BMPR2: variants seen among roughly 807,000 people sequenced by gnomAD.
BMPR2 encodes bone morphogenetic protein receptor type 2.
Under a neutral mutation model 100.8 loss-of-function variants are expected in BMPR2, and 29 were observed. The observed-to-expected ratio is 0.29, with a 90% confidence interval of 0.21 to 0.39. BMPR2 has a LOEUF of 0.39. Among genes scored for constraint, BMPR2 ranks in the 10% least tolerant of loss-of-function variants. The probability of loss-of-function intolerance (pLI) is 1.00; values close to 1 mark genes in which losing one functional copy is unlikely to be tolerated. For synonymous variants in BMPR2, 382 were observed against 442.3 expected (o/e 0.86, Z 1.71); for missense variants, 1,011 against 1,274.5 (o/e 0.79, Z 3.15).
At position 202,535,494 on chromosome 2, in the gene BMPR2, G is replaced by A. The variant is rs1276865937; in HGVS notation, c.1276+2762G>A. ...CCCACATCTCAGACGATGGGCGGCC[G>A]GGCAGAGACGCTCCTCACTTCCTAG... On this transcript the variant is annotated intron_variant, in intron 9 of 12. Coordinates refer to ENST00000374580, the MANE Select transcript of BMPR2 (RefSeq NM_001204.7). Among the ~76,000 whole-genome samples, 9 of 151,214 alleles carry A rather than the reference G, an allele frequency of 6.0e-5. No individual in the cohort carries two copies. The South Asian group carries it at 1.5e-3, about 25-fold the overall frequency.
Position 202,560,048 on chromosome 2 carries a change from C to A in BMPR2, c.*102C>A, listed in dbSNP as rs976822413. 2.2e-6 allele frequency: 3 copies of A among 1,375,524 alleles called. No homozygotes were observed. Among genetic ancestry groups the A allele is most frequent in the East Asian group, 2.4e-5 (1 of 41,882 alleles). The allele number at this position is 1,375,524 out of a possible 1,614,324, so 85.2% of individuals were successfully genotyped here. On this transcript the variant is annotated 3_prime_UTR_variant, in exon 13 of 13. Coordinates refer to ENST00000374580, the MANE Select transcript of BMPR2 (RefSeq NM_001204.7). ...AAACTGCTTTATCCTCCTGTCAGCA[C>A]CCCCTCCCACCCCTGCAACAAAGAC...
At chr2:202,556,576 C>T (rs1047216195) in intron 12 of BMPR2, 45 bp downstream of exon 12, 3 of 1,584,350 alleles carry the variant, frequency 1.9e-6, no homozygotes, top group Non-Finnish European at 2.6e-6. Flanking sequence ...TCTTTTGGGG[C>T]CATTTAAATA....
chr2:202,509,683 T>G (rs1574484379), intron 3 of BMPR2, among the ~76,000 whole-genome samples: 1 of 151,916 alleles, frequency 6.6e-6, no homozygotes, highest in Admixed American at 6.5e-5. Flanking sequence ...TTTTAATATT[T>G]TATTTAATTG....
intron 12 of BMPR2, among the ~76,000 whole-genome samples, chr2:202,559,168 G>T (rs925299360): frequency 6.6e-6 from 1 of 151,852 alleles, no homozygotes; most frequent in Non-Finnish European, 1.5e-5. Flanking sequence ...TGGTCATGGT[G>T]GCATGCGCCT....
chr2:202,417,281 G>C (rs1691152587), intron 1 of BMPR2, among the ~76,000 whole-genome samples: 1 of 150,880 alleles, frequency 6.6e-6, no homozygotes. Context: ...AGATTACAGG[G>C]ACCTGCCACC....
At chr2:202,452,680 T>C (rs879323435) in intron 1 of BMPR2, among the ~76,000 whole-genome samples, 10 of 152,232 alleles carry the variant, frequency 6.6e-5, no homozygotes, top group African/African-American at 2.4e-4. Context: ...AGTACATCAA[T>C]AATTTACTTA....
intron 1 of BMPR2, among the ~76,000 whole-genome samples, chr2:202,451,686 C>T (rs1446912466): frequency 3.9e-5 from 6 of 152,072 alleles, no homozygotes; most frequent in South Asian, 2.1e-4. Flanking sequence ...GGGACAAGAA[C>T]GAGACTCTGT....
intron 1 of BMPR2, among the ~76,000 whole-genome samples, chr2:202,409,836 T>TATATA (rs753015109): frequency 5.9e-5 from 9 of 151,406 alleles, no homozygotes; most frequent in Non-Finnish European, 1.2e-4. Context: ...GGGTTAGCAA[T>TATATA]TCTACTTTAT....
At chr2:202,546,903 G>GTGTTTTGTTTTGTTTTGTTT (rs112692454) in intron 10 of BMPR2, among the ~76,000 whole-genome samples, 1 of 141,734 alleles carries the variant, frequency 7.1e-6, no homozygotes, top group Non-Finnish European at 1.5e-5. Flanking sequence ...TGCCCAGCCG[G>GTGTTTTGTTTTGTTTTGTTT]TGTTTTGTTT....
intron 10 of BMPR2, among the ~76,000 whole-genome samples, chr2:202,547,107 T>C (rs1212970516): frequency 6.6e-6 from 1 of 152,178 alleles, no homozygotes; most frequent in Non-Finnish European, 1.5e-5. Flanking sequence ...TGTTAAAATA[T>C]TTTAAATTGG....
rs185539160 is a variant in BMPR2, at chr2:202,532,921, A to G, written c.1276+189A>G. 6.6e-6 allele frequency among the ~76,000 whole-genome samples: 1 copy of G among 151,590 alleles called. No individual in the cohort carries two copies. The highest frequency in any genetic ancestry group is 1.9e-4 in the East Asian group (1 of 5,172). On this transcript the variant is annotated intron_variant, in intron 9 of 12. Transcript: ENST00000374580. This position sits in a 1 kb window ranked among gnomAD's most constrained non-coding sequence, Gnocchi z 4.1. ...ATGCAAATTAGGAATTTTTTTTTTT[A>G]GAGTACTCCAGGTTTTCATCTGAGT...
intron 1 of BMPR2, among the ~76,000 whole-genome samples, chr2:202,420,445 A>C (rs534439464): frequency 4.4e-4 from 67 of 151,702 alleles, no homozygotes; most frequent in African/African-American, 1.5e-3. Flanking sequence ...TTTTGGGTTT[A>C]AGTTGAAGGA....
intron 1 of BMPR2, among the ~76,000 whole-genome samples, chr2:202,386,838 G>T (rs752978501): frequency 9.2e-5 from 14 of 152,064 alleles, no homozygotes; most frequent in Admixed American, 6.6e-4. Flanking sequence ...GTGCCACCAC[G>T]CCCGGCTAAA....
intron 10 of BMPR2, among the ~76,000 whole-genome samples, chr2:202,547,849 C>A (rs923619680): frequency 6.7e-6 from 1 of 149,362 alleles, no homozygotes; most frequent in Non-Finnish European, 1.5e-5. Context: ...TTTGGGAGGC[C>A]GAGGTGGGTG....
Position 202,464,836 on chromosome 2 carries a change from C to T in BMPR2, c.104C>T (p.Ala35Val), listed in dbSNP as rs770128128. 10 of 1,613,632 alleles carry T rather than the reference C, an allele frequency of 6.2e-6. No homozygotes were observed. The highest frequency in any genetic ancestry group is 1.7e-5 in the Admixed American group (1 of 59,958). ...TCGCAGAATCAAGAACGGCTATGTG[C>T]GTTTAAAGATCCGTATCAGCAAGAC... ...AASQNQERLC[A>V]FKDPYQQDLG... Residue 35 changes from alanine to valine, a missense_variant, in exon 2 of 13, where the codon GCG (alanine) becomes GTG (valine). Physicochemically the swap from Ala to Val is moderately conservative, Grantham distance 64 (BLOSUM62 0). Coordinates refer to ENST00000374580, the MANE Select transcript of BMPR2 (RefSeq NM_001204.7).
chr2:202,504,149 G>T (rs1687467870), intron 3 of BMPR2, among the ~76,000 whole-genome samples: 1 of 152,132 alleles, frequency 6.6e-6, no homozygotes, highest in South Asian at 2.1e-4. Context: ...CAATCAGCAG[G>T]ACGTGGGTGG....
At chr2:202,471,526 T>C (rs1009168471) in intron 3 of BMPR2, among the ~76,000 whole-genome samples, 3 of 152,174 alleles carry the variant, frequency 2.0e-5, no homozygotes, top group African/African-American at 7.2e-5. Flanking sequence ...ATAACTAATA[T>C]AGTACTATAT....
intron 3 of BMPR2, among the ~76,000 whole-genome samples, chr2:202,480,816 G>C (rs997946332): frequency 8.6e-5 from 13 of 151,728 alleles, no homozygotes; most frequent in Non-Finnish European, 1.9e-4. Flanking sequence ...TTAGCCAGGC[G>C]TGGTGGCATG....
At chr2:202,424,070 CAAAAAAAAAA>C (rs773518674) in intron 1 of BMPR2, among the ~76,000 whole-genome samples, 1 of 58,774 alleles carries the variant, frequency 1.7e-5, no homozygotes, top group Non-Finnish European at 3.0e-5. Flanking sequence ...AAGACTGTCT[CAAAAAAAAAA>C]AAAAAAAAAA....
Sources: gnomAD v4.1 joint callset for allele counts (sites outside exome capture counted in the v4.1 genomes callset) on GRCh38, gnomAD v4.1.1 for gene constraint, Gnocchi (gnomAD v3.1) non-coding constraint, MANE v1.5 for transcripts, NCBI Gene and HGNC (gene_info 2026-07-23, HGNC 2026-07-21) for gene names.